The following POM121C variants were observed in gnomAD, a reference collection of about 807,000 sequenced individuals.
POM121C encodes the protein POM121 transmembrane nucleoporin C.
POM121C carries 20 observed loss-of-function variants against 66.4 expected under a neutral mutation model. That is an observed-to-expected ratio of 0.30 (90% CI 0.21 to 0.44). The LOEUF is 0.44. Ranked by LOEUF, POM121C falls within the 20% of genes least tolerant of loss-of-function variation. The pLI, the probability that POM121C is intolerant of heterozygous loss-of-function variation, is 1.00. For synonymous variants in POM121C, 286 were observed against 528.0 expected (o/e 0.54, Z 6.28); for missense variants, 580 against 1,225.7 (o/e 0.47, Z 7.87).
chr7:75,457,765 G>A (rs1161487059), intron 3 of POM121C, among the ~76,000 whole-genome samples: 2 of 152,206 alleles, frequency 1.3e-5, no homozygotes, highest in Admixed American at 6.5e-5. Flanking sequence ...CCCGTTCCCC[G>A]TCCCACCCAC....
At chr7:75,479,832 T>C (rs1554479880) in intron 1 of POM121C, among the ~76,000 whole-genome samples, 1 of 152,064 alleles carries the variant, frequency 6.6e-6, no homozygotes, top group Non-Finnish European at 1.5e-5. Context: ...TAAAGTTGCA[T>C]ACTATAAATT....
chr7:75,479,970 AAAG>A (rs1422804322), intron 1 of POM121C, among the ~76,000 whole-genome samples: 2 of 147,976 alleles, frequency 1.4e-5, no homozygotes, highest in African/African-American at 2.6e-5. Context: ...AAAAAGAAAC[AAAG>A]AAGATGAGAC....
In POM121C at chr7:75,486,074, C is replaced by T; in HGVS notation, c.-668G>A. 1 of 406,584 alleles carries T rather than the reference C, an allele frequency of 2.5e-6. No homozygotes were observed. The highest frequency in any genetic ancestry group is 4.8e-6 in the Non-Finnish European group (1 of 208,908). The allele number at this position is 406,584 out of a possible 1,614,324, so 25.2% of individuals were successfully genotyped here. The stretch of plus-strand genomic sequence containing the variant: ...TCCGCCTCCCTGGGGCTCCCGGCCC[C>T]TCTGGCCCCAGCGCCGCCGGCTCCG... On this transcript the variant is annotated 5_prime_UTR_variant, in exon 1 of 15. Coordinates refer to ENST00000615331, the MANE Select transcript of POM121C (RefSeq NM_001099415.3).
At chr7:75,420,254 C>G (rs1789642351) in intron 13 of POM121C, 1 of 152,462 alleles carries the variant, frequency 6.6e-6, no homozygotes, top group South Asian at 2.1e-4. Context: ...GCCACCACTC[C>G]TGCAGCCACA....
intron 3 of POM121C, among the ~76,000 whole-genome samples, chr7:75,471,089 G>A (rs1282547531): frequency 2.0e-5 from 3 of 152,062 alleles, no homozygotes; most frequent in South Asian, 2.1e-4. Flanking sequence ...CTCATGATGC[G>A]TCTCAAAGCC....
At chr7:75,432,765 G>A (rs1790234181) in intron 7 of POM121C, among the ~76,000 whole-genome samples, 2 of 152,204 alleles carry the variant, frequency 1.3e-5, no homozygotes, top group Admixed American at 1.3e-4. Context: ...ACCCTGCTAT[G>A]TAGAACAGTC....
rs1217786215 is a variant in POM121C at position 75,441,677 on chromosome 7, A to C, written c.-151-30T>G. Reference sequence around the variant, plus strand: ...AGAGAATGCGAGACAAATCATGGAAACAAAGTATAAAAGAATGTCAAAATT... The same window carrying C: ...AGAGAATGCGAGACAAATCATGGAACCAAAGTATAAAAGAATGTCAAAATT... On this transcript the variant is annotated intron_variant, in intron 3 of 14. Coordinates refer to ENST00000615331, the MANE Select transcript of POM121C (RefSeq NM_001099415.3). 4 of 1,507,074 alleles carry C rather than the reference A, an allele frequency of 2.7e-6. No homozygotes were observed. In the East Asian group the frequency reaches 7.4e-5, roughly 28 times the overall value. The allele number at this position is 1,507,074 out of a possible 1,614,324, so 93.4% of individuals were successfully genotyped here. A position where few individuals can be genotyped will look rare whatever the true frequency, so the allele number is the denominator to read the frequency against.
At chr7:75,436,228 T>C (rs1222880802) in intron 7 of POM121C, among the ~76,000 whole-genome samples, 11 of 152,230 alleles carry the variant, frequency 7.2e-5, no homozygotes, top group Non-Finnish European at 1.6e-4. Context: ...AGGATCTGTC[T>C]ATCTTATCTC....
At chr7:75,472,820 G>C (rs1791926151) in intron 3 of POM121C, among the ~76,000 whole-genome samples, 1 of 147,990 alleles carries the variant, frequency 6.8e-6, no homozygotes, top group Non-Finnish European at 1.5e-5. Context: ...ATGGAAGGAA[G>C]GAAGGGAGGG....
intron 3 of POM121C, among the ~76,000 whole-genome samples, chr7:75,450,835 C>T (rs1790997918): frequency 6.6e-6 from 1 of 152,194 alleles, no homozygotes; most frequent in African/African-American, 2.4e-5. Context: ...ATTCAAATGT[C>T]CGTGTTTCAA....
chr7:75,461,062 C>T (rs1359743425), intron 3 of POM121C, among the ~76,000 whole-genome samples: 9 of 152,222 alleles, frequency 5.9e-5, no homozygotes, highest in African/African-American at 1.9e-4. Context: ...GGAAGAAACA[C>T]TTTGCAAAAA....
At chr7:75,463,285 A>G (rs1249964784) in intron 3 of POM121C, among the ~76,000 whole-genome samples, 1 of 152,078 alleles carries the variant, frequency 6.6e-6, no homozygotes, top group East Asian at 1.9e-4. Flanking sequence ...CAGAGGCTGC[A>G]GTGAGCCAAG....
chr7:75,468,805 T>C (rs182097995), intron 3 of POM121C, among the ~76,000 whole-genome samples: 1 of 152,176 alleles, frequency 6.6e-6, no homozygotes, highest in African/African-American at 2.4e-5. Context: ...GAGGATCGCT[T>C]GAGCCCAGGA....
intron 1 of POM121C, among the ~76,000 whole-genome samples, chr7:75,477,116 C>CACACACACACACAA (rs1378186983): frequency 6.7e-6 from 1 of 150,118 alleles, no homozygotes; most frequent in African/African-American, 2.5e-5. Context: ...TGTATACACA[C>CACACACACACACAA]ACACACACAC....
At chr7:75,466,409 C>T (rs1218661514) in intron 3 of POM121C, among the ~76,000 whole-genome samples, 1 of 151,684 alleles carries the variant, frequency 6.6e-6, no homozygotes, top group Non-Finnish European at 1.5e-5. Flanking sequence ...AGTTCAACAC[C>T]AGCCTGGCCA....
chr7:75,428,921 G>C lies in POM121C; in HGVS notation c.481-2468C>G, dbSNP rs587719614. ...CTTGAGCCCAAGAGTTTTGAGACCA[G>C]CCTAGGCAATATAGTGAGGTCTCTT... On this transcript the variant is annotated intron_variant, in intron 7 of 14. Coordinates refer to ENST00000615331, the MANE Select transcript of POM121C (RefSeq NM_001099415.3). Among the ~76,000 whole-genome samples the C allele has an allele frequency of 2.0e-5, 3 of 148,146 alleles. No individual in the cohort carries two copies. The South Asian group carries it at 6.4e-4, about 32-fold the overall frequency.
chr7:75,446,991 G>T (rs1382392426), intron 3 of POM121C, among the ~76,000 whole-genome samples: 1 of 99,670 alleles, frequency 1.0e-5, no homozygotes, highest in Non-Finnish European at 1.8e-5. Flanking sequence ...CTGGGCAACA[G>T]AGCGAGACTC....
chr7:75,467,326 T>C (rs1554477982), intron 3 of POM121C, among the ~76,000 whole-genome samples: 2 of 151,674 alleles, frequency 1.3e-5, no homozygotes, highest in East Asian at 1.9e-4. Context: ...GGTCAGGAGA[T>C]TGAGACCATC....
At position 75,472,981 on chromosome 7, in the gene POM121C, G is replaced by C. The variant is rs1419250109; in HGVS notation, c.-152+1723C>G. Among the ~76,000 whole-genome samples, 15 of 152,312 alleles carry C rather than the reference G, an allele frequency of 9.8e-5. No homozygotes were observed. The South Asian group carries it at 3.1e-3, about 32-fold the overall frequency. ...CCAGGTATGGGAGAATACTGAACAC[G>C]AATGTCAAAAGAAACAGAATGTGCT... On this transcript the variant is annotated intron_variant, in intron 3 of 14. Transcript: ENST00000615331.
Sources: allele counts gnomAD v4.1 joint callset (sites outside exome capture counted in the v4.1 genomes callset), GRCh38; gene constraint gnomAD v4.1.1; transcripts MANE v1.5; gene names NCBI Gene and HGNC (gene_info 2026-07-23, HGNC 2026-07-21).